USH2A: variants seen among roughly 807,000 people sequenced by gnomAD.
USH2A encodes usherin, also known as Usher syndrome 2A (autosomal recessive, mild).
Under a neutral mutation model 538.9 loss-of-function variants are expected in USH2A, and 443 were observed. The ratio of observed to expected loss-of-function variants is 0.82; its 90% CI spans 0.76 to 0.89. The LOEUF (loss-of-function observed/expected upper bound fraction) is 0.89. USH2A is among the 40% of genes least tolerant of loss of function. The probability of loss-of-function intolerance (pLI) is 0.00; values close to 1 mark genes in which losing one functional copy is unlikely to be tolerated. For synonymous variants in USH2A, 2,413 were observed against 2,273.5 expected (o/e 1.06, Z -1.75); for missense variants, 6,633 against 6,324.8 (o/e 1.05, Z -1.65).
At position 215,838,086 on chromosome 1, in the gene USH2A, T is replaced by G. The variant is rs757205145; in HGVS notation, c.9276A>C (p.Ile3092=). 2.5e-6 allele frequency: 4 copies of G among 1,613,900 alleles called. No homozygotes were observed. The African/African-American group carries it at 4.0e-5, about 16-fold the overall frequency. ...IYDIQVEVCT[I]YACVKSNGTQ... is the part of the protein sequence containing the mutation. ...TTCCATTGCTTTTCACGCAGGCATA[T>G]ATTGTGCAGACTTCAACCTGCAAAC... The change falls in exon 47 of 72, where the codon ATA becomes ATC. Residue 3092 remains isoleucine, a synonymous_variant. Transcript: ENST00000307340.
intron 58 of USH2A, among the ~76,000 whole-genome samples, chr1:215,751,287 T>C (rs1330626124): frequency 6.6e-6 from 1 of 150,916 alleles, no homozygotes; most frequent in African/African-American, 2.4e-5. Context: ...AAAAATTATT[T>C]ATCAGTAGAA....
intron 9 of USH2A, among the ~76,000 whole-genome samples, chr1:216,303,551 G>A (rs2037254825): frequency 6.6e-6 from 1 of 151,804 alleles, no homozygotes. Flanking sequence ...GAAATTTTTT[G>A]TAGTATTAGA....
chr1:216,174,928 A>G, intron 21 of USH2A: 1 of 1,165,654 alleles, frequency 8.6e-7, no homozygotes. Context: ...TCATTTGCTC[A>G]GAGAACACAG....
chr1:216,064,212 A>C (rs1217070725), intron 30 of USH2A, among the ~76,000 whole-genome samples: 1 of 152,280 alleles, frequency 6.6e-6, no homozygotes, highest in East Asian at 1.9e-4. Flanking sequence ...TTACTCATTC[A>C]TTTATTTTCC....
chr1:215,791,256 G>A (rs2102770946), intron 50 of USH2A, among the ~76,000 whole-genome samples: 1 of 152,272 alleles, frequency 6.6e-6, no homozygotes, highest in South Asian at 2.1e-4. Flanking sequence ...TTATATAGCA[G>A]CACAATGTGA....
At chr1:215,787,643 G>A (rs796945212) in intron 51 of USH2A, among the ~76,000 whole-genome samples, 23 of 152,230 alleles carry the variant, frequency 1.5e-4, no homozygotes, top group African/African-American at 5.3e-4. Context: ...GTAGCATAAT[G>A]TATTTAGAAT....
Position 216,348,170 on chromosome 1 carries a change from T to C in USH2A, c.784+16783A>G, listed in dbSNP as rs1203064526. On this transcript the variant is annotated intron_variant, in intron 4 of 71. Transcript: ENST00000307340. ...TAATTTCTTCAGAATTTAGAAACTA[T>C]TTGTGAGTATTCTTAACTTATGACA... Among the ~76,000 whole-genome samples, 3 of 152,164 alleles carry C rather than the reference T, an allele frequency of 2.0e-5. No homozygotes were observed. The East Asian group carries it at 5.8e-4, about 29-fold the overall frequency.
intron 21 of USH2A, among the ~76,000 whole-genome samples, chr1:216,140,325 T>C (rs1368164174): frequency 6.6e-6 from 1 of 152,136 alleles, no homozygotes; most frequent in East Asian, 1.9e-4. Flanking sequence ...ATAAATAACT[T>C]TGAATGAAGA....
chr1:216,061,647 C>T (rs1333857406), intron 30 of USH2A, among the ~76,000 whole-genome samples: 1 of 152,124 alleles, frequency 6.6e-6, no homozygotes, highest in Admixed American at 6.6e-5. Context: ...GGCACACAGC[C>T]ATCAGTATAT....
intron 47 of USH2A, among the ~76,000 whole-genome samples, chr1:215,835,209 G>A (rs1185497045): frequency 1.4e-5 from 2 of 142,598 alleles, no homozygotes; most frequent in Non-Finnish European, 3.0e-5. Flanking sequence ...AAGCTTTATA[G>A]TTAGGTGAGC....
chr1:215,645,652 G>T (rs971906513), intron 67 of USH2A, among the ~76,000 whole-genome samples: 2 of 152,170 alleles, frequency 1.3e-5, no homozygotes, highest in African/African-American at 2.4e-5. Flanking sequence ...TAAGCTCCTT[G>T]TGTGAGACAT....
At chr1:216,093,721 G>T (rs1296692345) in intron 22 of USH2A, among the ~76,000 whole-genome samples, 1 of 152,162 alleles carries the variant, frequency 6.6e-6, no homozygotes, top group African/African-American at 2.4e-5. Flanking sequence ...TGGTAGGGGG[G>T]TGGCTATAAA....
In USH2A at chr1:215,625,808, G is replaced by A. The variant is rs775780004; in HGVS notation, c.15582C>T (p.Arg5194=). ...ACAGGTGGGTGTCTGTGAATGTGGT[G>A]CGTTCCTTAGTCACTGAGCTGAAAT... The part of the protein sequence containing the change: ...IKDFSSVTKE[R]TTFTDTHL Residue 5194 remains arginine (R), a synonymous_variant, in exon 72 of 72, where the codon CGC becomes CGT. Coordinates refer to ENST00000307340, the MANE Select transcript of USH2A (RefSeq NM_206933.4). 4.3e-6 allele frequency: 7 copies of A among 1,613,974 alleles called. No individual in the cohort carries two copies. Among genetic ancestry groups the A allele is most frequent in the African/African-American group, 2.7e-5 (2 of 74,912 alleles).
At chr1:215,770,924 G>C (rs1661261475) in intron 55 of USH2A, among the ~76,000 whole-genome samples, 1 of 122,406 alleles carries the variant, frequency 8.2e-6, no homozygotes, top group South Asian at 2.8e-4. Flanking sequence ...GGCCAACATA[G>C]TGAAACCCCG....
rs552246599 is a variant in USH2A at position 215,763,623 on chromosome 1, G to T, written c.11047+3058C>A. ...AAACTTGAGGGGTCCATGTTGCTTT[G>T]CTAAGGAGATATGGATGTATGTCTT... On this transcript the variant is annotated intron_variant, in intron 56 of 71. Transcript: ENST00000307340. 5.3e-5 allele frequency among the ~76,000 whole-genome samples: 8 copies of T among 152,290 alleles called. No individual in the cohort carries two copies. The South Asian group carries it at 1.7e-3, about 32-fold the overall frequency.
chr1:216,024,017 T>C (rs1289374922), intron 32 of USH2A, among the ~76,000 whole-genome samples: 10 of 152,068 alleles, frequency 6.6e-5, no homozygotes, highest in Admixed American at 3.9e-4. Context: ...CTTATAAAGG[T>C]GGTACTAGCC....
chr1:215,871,448 A>G (rs1314942710), intron 43 of USH2A, among the ~76,000 whole-genome samples: 2 of 152,238 alleles, frequency 1.3e-5, no homozygotes, highest in African/African-American at 4.8e-5. Context: ...GGTCACTTAT[A>G]TAATTTTTTA....
chr1:215,914,064 C>T (rs1196847560), intron 38 of USH2A, among the ~76,000 whole-genome samples: 1 of 141,676 alleles, frequency 7.1e-6, no homozygotes, highest in Non-Finnish European at 1.5e-5. Flanking sequence ...TGTCAAGCAA[C>T]AGACTTTTTT....
At chr1:215,763,898 G>A (rs1571662277) in intron 56 of USH2A, among the ~76,000 whole-genome samples, 1 of 151,954 alleles carries the variant, frequency 6.6e-6, no homozygotes, top group East Asian at 1.9e-4. Context: ...AAACTAATTA[G>A]ATTTTATAAA....
Sources: gnomAD v4.1 joint callset for allele counts (sites outside exome capture counted in the v4.1 genomes callset) on GRCh38, gnomAD v4.1.1 for gene constraint, MANE v1.5 for transcripts, NCBI Gene and HGNC (gene_info 2026-07-23, HGNC 2026-07-21) for gene names.